RBFOX2: variants seen among roughly 807,000 people sequenced by gnomAD.
The protein encoded by RBFOX2 is RNA binding fox-1 homolog 2.
Under a neutral mutation model 49.1 loss-of-function variants are expected in RBFOX2, and 10 were observed. The ratio of observed to expected loss-of-function variants is 0.20; its 90% confidence interval spans 0.13 to 0.35. The LOEUF (loss-of-function observed/expected upper bound fraction) is 0.35, where lower values mean the gene tolerates loss of function less well. Among genes scored for constraint, RBFOX2 ranks in the 10% least tolerant of loss-of-function variants. RBFOX2 has a pLI of 1.00. For synonymous variants in RBFOX2, 183 were observed against 187.4 expected (o/e 0.98, Z 0.19); for missense variants, 323 against 486.9 (o/e 0.66, Z 3.17).
chr22:35,840,677 G>A, upstream of RBFOX2: 1 of 987,828 alleles, frequency 1.0e-6, no homozygotes, highest in Non-Finnish European at 1.2e-6. Context: ...GAGGTAGGGA[G>A]GGGCAAGCGC....
At chr22:35,959,234 G>A (rs1346559986) in intron 1 of RBFOX2, among the ~76,000 whole-genome samples, 1 of 152,186 alleles carries the variant, frequency 6.6e-6, no homozygotes, top group Non-Finnish European at 1.5e-5. Context: ...TATCAGGTGA[G>A]GAGAGTCAGA....
At chr22:35,813,109 T>G (rs1952249158) in intron 1 of RBFOX2, among the ~76,000 whole-genome samples, 1 of 152,228 alleles carries the variant, frequency 6.6e-6, no homozygotes, top group Admixed American at 6.5e-5. Flanking sequence ...TTACAGAAAT[T>G]TCTTTTAAAA....
intron 1 of RBFOX2, among the ~76,000 whole-genome samples, chr22:35,951,138 TAG>T (rs1242841309): frequency 1.3e-5 from 2 of 150,744 alleles, no homozygotes; most frequent in Non-Finnish European, 2.9e-5. Context: ...GTATTTTTAG[TAG>T]AGACGGGGTT....
chr22:35,808,571 G>C (rs1951196164), intron 2 of RBFOX2, among the ~76,000 whole-genome samples: 1 of 152,076 alleles, frequency 6.6e-6, no homozygotes, highest in African/African-American at 2.4e-5. Context: ...CACAAGGCTG[G>C]GCATGGTGGC....
chr22:35,822,260 C>T (rs955203462), intron 1 of RBFOX2, among the ~76,000 whole-genome samples: 1 of 152,216 alleles, frequency 6.6e-6, no homozygotes, highest in Non-Finnish European at 1.5e-5. Context: ...TATCCTTCTA[C>T]TGTGTGCTTT....
At position 35,785,920 on chromosome 22, in the gene RBFOX2, A is replaced by T. The variant is rs113107979; in HGVS notation, c.253-4174T>A. On this transcript the variant is annotated intron_variant, in intron 2 of 11. Transcript: ENST00000405409. Reference sequence around the variant, plus strand: ...GCAGTCAAAGCAACAAGCATCAATTACAACTAATGCTCATTCAAGCACCTT... The same window carrying T: ...GCAGTCAAAGCAACAAGCATCAATTTCAACTAATGCTCATTCAAGCACCTT... Among the ~76,000 whole-genome samples, 280 of 152,362 alleles carry T rather than the reference A, an allele frequency of 1.8e-3. 3 individuals carry two copies. Among genetic ancestry groups the T allele is most frequent in the African/African-American group, 6.6e-3 (274 of 41,588 alleles).
At chr22:35,819,828 G>A (rs554320449) in intron 1 of RBFOX2, among the ~76,000 whole-genome samples, 3 of 152,248 alleles carry the variant, frequency 2.0e-5, no homozygotes, top group South Asian at 4.2e-4. Context: ...GGAGGGTATC[G>A]GGGTATTGGG....
intron 1 of RBFOX2, among the ~76,000 whole-genome samples, chr22:35,967,361 G>A (rs1253662106): frequency 6.7e-6 from 1 of 148,594 alleles, no homozygotes; most frequent in East Asian, 2.0e-4. Context: ...CTGGGCAACA[G>A]AGCGAGACCT....
intron 1 of RBFOX2, among the ~76,000 whole-genome samples, chr22:35,967,639 T>C (rs886347416): frequency 1.3e-5 from 2 of 152,318 alleles, no homozygotes; most frequent in Admixed American, 1.3e-4. Context: ...CAAATATCAA[T>C]TGTGTTGAGT....
intron 1 of RBFOX2, among the ~76,000 whole-genome samples, chr22:35,945,412 G>T (rs2054165016): frequency 6.6e-6 from 1 of 151,938 alleles, no homozygotes; most frequent in South Asian, 2.1e-4. Flanking sequence ...ACTAATCCCA[G>T]CAACAAATCT....
rs998520431 is a variant in RBFOX2, at chr22:35,838,414, G to C, written c.27+1778C>G. Among the ~76,000 whole-genome samples the C allele has an allele frequency of 2.0e-5, 3 of 152,138 alleles. No homozygotes were observed. The East Asian group carries it at 5.8e-4, about 29-fold the overall frequency. Reference sequence around the variant, plus strand: ...ACATGGGCATTTTGTTTATGAGCAAGGTGGGTCTCAGAGGTGATCGGCGAT... The same window carrying C: ...ACATGGGCATTTTGTTTATGAGCAACGTGGGTCTCAGAGGTGATCGGCGAT... On this transcript the variant is annotated intron_variant, in intron 1 of 11. Coordinates refer to ENST00000405409, the Ensembl canonical transcript of RBFOX2.
chr22:35,849,470 ATGG>A (rs2041651643), intron 1 of RBFOX2, among the ~76,000 whole-genome samples: 1 of 152,178 alleles, frequency 6.6e-6, no homozygotes, highest in Non-Finnish European at 1.5e-5. Context: ...TAGGCTCTGA[ATGG>A]TACCGGGTCA....
chr22:35,890,126 A>G lies in RBFOX2; in HGVS notation c.-34+48721T>C, dbSNP rs138256405. Reference sequence around the variant, plus strand: ...GCATTTTTCTAAGATTATTCCATGAATGTTCCTAAGAATATATCTTTTTCG... The same window carrying G: ...GCATTTTTCTAAGATTATTCCATGAGTGTTCCTAAGAATATATCTTTTTCG... On this transcript the variant is annotated intron_variant, in intron 1 of 13. Coordinates refer to the RBFOX2 transcript ENST00000359369. 1.5e-3 allele frequency among the ~76,000 whole-genome samples: 225 copies of G among 152,308 alleles called. 2 individuals carry two copies. The highest frequency in any genetic ancestry group is 0.01 in the Middle Eastern group (3 of 294).
At chr22:35,987,351 T>C (rs936449806) in intron 1 of RBFOX2, among the ~76,000 whole-genome samples, 3 of 152,186 alleles carry the variant, frequency 2.0e-5, no homozygotes, top group East Asian at 3.8e-4. Context: ...CTATTCTGAG[T>C]TGCAGAAAAC....
intron 1 of RBFOX2, chr22:35,897,728 T>TA: frequency 1.2e-6 from 1 of 841,770 alleles, no homozygotes; most frequent in Non-Finnish European, 2.1e-6. Flanking sequence ...ACAAGGGGTA[T>TA]AGCACCAAAC....
intron 1 of RBFOX2, among the ~76,000 whole-genome samples, chr22:35,867,590 ATACT>A (rs1252159306): frequency 6.6e-6 from 1 of 152,186 alleles, no homozygotes; most frequent in Non-Finnish European, 1.5e-5. Context: ...TTTCTTAAAT[ATACT>A]AACTAAATAT....
chr22:35,838,964 C>T (rs535348482), intron 1 of RBFOX2, among the ~76,000 whole-genome samples: 1 of 152,330 alleles, frequency 6.6e-6, no homozygotes, highest in Admixed American at 6.5e-5. Context: ...ATTCCAGCTC[C>T]TAAAATGATG....
intron 9 of RBFOX2, among the ~76,000 whole-genome samples, chr22:35,752,191 T>C (rs1355724829): frequency 6.6e-6 from 1 of 152,200 alleles, no homozygotes; most frequent in Admixed American, 6.5e-5. Flanking sequence ...AATGTGGGAT[T>C]CAGAAATCCT....
chr22:35,888,054 CA>C (rs1182119521), intron 1 of RBFOX2, among the ~76,000 whole-genome samples: 1 of 152,088 alleles, frequency 6.6e-6, no homozygotes, highest in Non-Finnish European at 1.5e-5. Context: ...GAGTCCTCTC[CA>C]AAAAATCTTA....
Sources: allele counts gnomAD v4.1 joint callset (sites outside exome capture counted in the v4.1 genomes callset), GRCh38; gene constraint gnomAD v4.1.1; transcripts MANE v1.5; gene names NCBI Gene and HGNC (gene_info 2026-07-23, HGNC 2026-07-21).